The following QDPR variants were observed in gnomAD, a reference collection of about 807,000 sequenced individuals.
QDPR encodes dihydropteridine reductase.
In QDPR, 23 loss-of-function variants were observed where a neutral mutation model predicts 31.7. That is an observed-to-expected ratio of 0.73 (90% CI 0.52 to 1.03). The LOEUF is 1.03. Among genes scored for constraint, QDPR ranks in the 50% least tolerant of loss-of-function variants. The pLI is 0.00. For synonymous variants in QDPR, 124 were observed against 124.7 expected, an observed-to-expected ratio of 0.99 and a Z score of 0.03; for missense variants, 324 against 323.8, an observed-to-expected ratio of 1.00 and a Z score of 0.00.
Position 17,492,330 on chromosome 4 carries a change from C to A in QDPR, c.447G>T (p.Gly149=), listed in dbSNP as rs1239758567. 1.2e-6 allele frequency: 2 copies of A among 1,614,090 alleles called. No individual in the cohort carries two copies. Among genetic ancestry groups the A allele is most frequent in the Non-Finnish European group, 1.7e-6 (2 of 1,179,936 alleles). The change falls in exon 5 of 7, where the codon GGG becomes GGT. Residue 149 remains glycine (G), a synonymous_variant. Coordinates refer to ENST00000281243, the MANE Select transcript of QDPR (RefSeq NM_000320.3). The part of the protein sequence containing the change: ...AALDGTPGMI[G]YGMAKGAVHQ... ...GAACAGCACCCTTGGCCATGCCGTA[C>A]CCGATCATACCTGGGAAATGGGGAG...
intron 3 of QDPR, among the ~76,000 whole-genome samples, chr4:17,502,153 A>G (rs1209824005): frequency 6.6e-6 from 1 of 152,200 alleles, no homozygotes; most frequent in Non-Finnish European, 1.5e-5. Context: ...GCTTTAATTC[A>G]AAGATTGTTT....
At chr4:17,488,341 A>G (rs563253673) in intron 6 of QDPR, among the ~76,000 whole-genome samples, 1 of 152,318 alleles carries the variant, frequency 6.6e-6, no homozygotes, top group Non-Finnish European at 1.5e-5. Flanking sequence ...TTGCTATATT[A>G]CCTTCTCATA....
chr4:17,490,463 C>A (rs1718120023), intron 6 of QDPR, 199 bp downstream of exon 6: 2 of 580,636 alleles, frequency 3.4e-6, no homozygotes, highest in Admixed American at 2.3e-5. Flanking sequence ...ACTACCCATT[C>A]TGCCACTGTG....
At chr4:17,498,224 G>C (rs889559465) in intron 4 of QDPR, among the ~76,000 whole-genome samples, 1 of 152,164 alleles carries the variant, frequency 6.6e-6, no homozygotes, top group Non-Finnish European at 1.5e-5. Flanking sequence ...AGCGGGAGGT[G>C]GGGGGATGAC....
At chr4:17,509,753 G>A (rs1216839808) in intron 1 of QDPR, among the ~76,000 whole-genome samples, 1 of 152,120 alleles carries the variant, frequency 6.6e-6, no homozygotes, top group Non-Finnish European at 1.5e-5. Flanking sequence ...AAATAAAGGA[G>A]CAGAGTGGAG....
intron 1 of QDPR, among the ~76,000 whole-genome samples, chr4:17,510,227 T>C (rs1245655411): frequency 6.6e-6 from 1 of 152,228 alleles, no homozygotes; most frequent in East Asian, 1.9e-4. Flanking sequence ...AGGGATGGAC[T>C]TTAGGATTGG....
In QDPR at chr4:17,501,700, T is replaced by G. The variant is rs112111831; in HGVS notation, c.436+19A>C. ...AAGGTAAGCAACCCCACTCCACAGA[T>G]AGGGAAATAAAGGCTTACCAGGAGT... is the stretch of plus-strand genomic sequence containing the variant. On this transcript the variant is annotated intron_variant, in intron 4 of 6. Coordinates refer to ENST00000281243, the MANE Select transcript of QDPR (RefSeq NM_000320.3). 1.2e-6 allele frequency: 2 copies of G among 1,613,100 alleles called. No homozygotes were observed. The highest frequency in any genetic ancestry group is 2.2e-5 in the South Asian group (2 of 90,978).
intron 4 of QDPR, among the ~76,000 whole-genome samples, chr4:17,496,063 G>A (rs1438325471): frequency 6.6e-6 from 1 of 151,960 alleles, no homozygotes; most frequent in Non-Finnish European, 1.5e-5. Flanking sequence ...TTTATTCACT[G>A]CTTTCAGAAA....
At chr4:17,492,475 G>C (rs1718203356) in intron 4 of QDPR, 135 bp from the exon 5 acceptor site, 2 of 741,596 alleles carry the variant, frequency 2.7e-6, no homozygotes, top group Non-Finnish European at 4.7e-6. Context: ...CTTCAGGTCA[G>C]ACGCCCTCAC....
chr4:17,509,918 G>C (rs1560317163), intron 1 of QDPR: 1 of 455,662 alleles, frequency 2.2e-6, no homozygotes, highest in East Asian at 7.0e-5. Flanking sequence ...TCTGTAAAGG[G>C]CCAGATCACA....
rs1268076233 is a variant in QDPR at position 17,499,961 on chromosome 4, G to C, written c.436+1758C>G. 3.3e-5 allele frequency among the ~76,000 whole-genome samples: 5 copies of C among 151,658 alleles called. No individual in the cohort carries two copies. In the South Asian group the frequency reaches 1.0e-3, roughly 32 times the overall value. Reference sequence around the variant, plus strand: ...CCCAAGGTCTCTACCACTTACAAGAGAGTCAAAAAGAGCTCCCCCCACCTT... The same window carrying C: ...CCCAAGGTCTCTACCACTTACAAGACAGTCAAAAAGAGCTCCCCCCACCTT... On this transcript the variant is annotated intron_variant, in intron 4 of 6. Transcript: ENST00000281243.
At chr4:17,487,573 G>A (rs1175301833) in intron 6 of QDPR, among the ~76,000 whole-genome samples, 2 of 152,162 alleles carry the variant, frequency 1.3e-5, no homozygotes, top group African/African-American at 4.8e-5. Context: ...TTGCACCCGG[G>A]AAGCAGAGGT....
intron 6 of QDPR, among the ~76,000 whole-genome samples, chr4:17,489,401 C>G (rs28425622): frequency 0.036 from 5,542 of 152,178 alleles, 355 homozygotes; most frequent in African/African-American, 0.13. Context: ...GGAGTGTCGG[C>G]CTTTAAAAAG....
At chr4:17,504,158 C>T (rs937723579) in intron 3 of QDPR, among the ~76,000 whole-genome samples, 1 of 152,164 alleles carries the variant, frequency 6.6e-6, no homozygotes, top group Non-Finnish European at 1.5e-5. Flanking sequence ...CTACTTTAAA[C>T]TCAAACTCAA....
intron 3 of QDPR, among the ~76,000 whole-genome samples, chr4:17,502,421 C>T (rs1211692034): frequency 6.6e-6 from 1 of 152,186 alleles, no homozygotes; most frequent in Non-Finnish European, 1.5e-5. Context: ...ACATATGTCA[C>T]ACCACCAACT....
At chr4:17,510,250 T>A (rs1357088768) in intron 1 of QDPR, among the ~76,000 whole-genome samples, 1 of 152,192 alleles carries the variant, frequency 6.6e-6, no homozygotes, top group African/African-American at 2.4e-5. Flanking sequence ...ATCAGACAGA[T>A]CAGGTTTGAA....
At chr4:17,489,384 T>C (rs886525840) in intron 6 of QDPR, among the ~76,000 whole-genome samples, 4 of 152,244 alleles carry the variant, frequency 2.6e-5, no homozygotes, top group Admixed American at 2.0e-4. Context: ...GTATCTCAAG[T>C]GTGGTGGGAG....
chr4:17,496,587 G>GA (rs1718368484), intron 4 of QDPR, among the ~76,000 whole-genome samples: 1 of 150,880 alleles, frequency 6.6e-6, no homozygotes, highest in Non-Finnish European at 1.5e-5. Flanking sequence ...ATGATGAAGT[G>GA]AAAAGAATAA....
At chr4:17,501,523 C>T (rs1413652434) in intron 4 of QDPR, among the ~76,000 whole-genome samples, 196 bp downstream of exon 4, 1 of 152,014 alleles carries the variant, frequency 6.6e-6, no homozygotes, top group Non-Finnish European at 1.5e-5. Flanking sequence ...CCACCATAAA[C>T]ATAAGGACAG....
Sources: gnomAD v4.1 joint callset for allele counts (sites outside exome capture counted in the v4.1 genomes callset) on GRCh38, gnomAD v4.1.1 for gene constraint, MANE v1.5 for transcripts, NCBI Gene and HGNC (gene_info 2026-07-23, HGNC 2026-07-21) for gene names.